Variants in JAK1 observed in about 807,000 individuals in gnomAD.
JAK1 encodes the protein Janus kinase 1, also known as tyrosine-protein kinase JAK1.
A neutral mutation model predicts 136.6 loss-of-function variants in JAK1; 16 were observed. The ratio of observed to expected loss-of-function variants is 0.12; its 90% CI spans 0.08 to 0.18. The LOEUF is 0.18. Ranked by LOEUF, JAK1 falls within the 10% of genes least tolerant of loss-of-function variation. The pLI is 1.00. For missense variants in JAK1, 859 were observed against 1,450.1 expected (o/e 0.59, Z 6.62); for synonymous variants, 492 against 519.5 (o/e 0.95, Z 0.72).
intron 11 of JAK1, among the ~76,000 whole-genome samples, chr1:64,853,085 A>G (rs929277763): frequency 6.6e-5 from 10 of 152,242 alleles, no homozygotes; most frequent in African/African-American, 2.4e-4. Context: ...TGAGAAACCC[A>G]GATCAGGGTC....
At position 64,928,778 on chromosome 1, in the gene JAK1, C is replaced by CAAAAAAAAAAAA. The variant is rs1183218798; in HGVS notation, c.-78+37543_-78+37554dup. On this transcript the variant is annotated intron_variant, in intron 1 of 24. Transcript: ENST00000342505. The stretch of plus-strand genomic sequence containing the variant: ...AGGTTCTGAGTGCTATAAAACTCTG[C>CAAAAAAAAAAAA]AAAAAAAAAAAAAAAAAACAAAAAA... 2.4e-3 allele frequency among the ~76,000 whole-genome samples: 146 copies of CAAAAAAAAAAAA among 61,040 alleles called. 1 individual carries two copies. Among genetic ancestry groups the CAAAAAAAAAAAA allele is most frequent in the East Asian group, 2.9e-3 (6 of 2,052 alleles). 40.0% of individuals were successfully genotyped at this position (61,040 alleles called of 152,430 possible).
At chr1:64,839,340 T>G (rs1343597582) in intron 20 of JAK1, among the ~76,000 whole-genome samples, 2 of 152,088 alleles carry the variant, frequency 1.3e-5, no homozygotes, top group Non-Finnish European at 2.9e-5. Context: ...AGGAATCAGT[T>G]TCATAAGGCA....
intron 2 of JAK1, among the ~76,000 whole-genome samples, chr1:64,996,689 C>A (rs903186035): frequency 1.4e-4 from 22 of 152,140 alleles, no homozygotes; most frequent in Admixed American, 1.2e-3. Flanking sequence ...TTTTTCCCAG[C>A]ACATTAAAAC....
At chr1:64,930,708 T>C (rs1020700300) in intron 1 of JAK1, among the ~76,000 whole-genome samples, 5 of 152,248 alleles carry the variant, frequency 3.3e-5, no homozygotes, top group Non-Finnish European at 5.9e-5. Context: ...TATATGTTTA[T>C]TGCAGCACTG....
intron 1 of JAK1, among the ~76,000 whole-genome samples, chr1:64,900,341 G>A (rs1645085424): frequency 6.6e-6 from 1 of 152,170 alleles, no homozygotes; most frequent in Non-Finnish European, 1.5e-5. Flanking sequence ...GAAGGTAAAG[G>A]GAACAGATGA....
At chr1:64,985,692 G>T (rs1031152812) in intron 2 of JAK1, 81 of 717,600 alleles carry the variant, frequency 1.1e-4, no homozygotes, top group Non-Finnish European at 1.6e-4. Flanking sequence ...CACAAAACCT[G>T]TGCAGAGTCT....
At chr1:64,986,998 T>C (rs1401281924) in intron 2 of JAK1, among the ~76,000 whole-genome samples, 1 of 152,112 alleles carries the variant, frequency 6.6e-6, no homozygotes, top group Non-Finnish European at 1.5e-5. Flanking sequence ...CGTTGTAAGA[T>C]GCAGGGAAAT....
At chr1:64,894,991 C>T (rs1261919774) in intron 1 of JAK1, among the ~76,000 whole-genome samples, 1 of 152,134 alleles carries the variant, frequency 6.6e-6, no homozygotes, top group Non-Finnish European at 1.5e-5. Flanking sequence ...TTCACCAAGG[C>T]GGCAGCAGCA....
intron 1 of JAK1, among the ~76,000 whole-genome samples, chr1:64,928,455 T>C (rs945029390): frequency 1.3e-5 from 2 of 152,204 alleles, no homozygotes; most frequent in African/African-American, 4.8e-5. Flanking sequence ...CTAGTAGGTA[T>C]ACAAGAGTGC....
At chr1:64,857,610 C>T in intron 10 of JAK1, 46 bp downstream of exon 10, 1 of 1,609,762 alleles carries the variant, frequency 6.2e-7, no homozygotes, top group Non-Finnish European at 8.5e-7. Context: ...CTACACTGGA[C>T]ACCTCATGGC....
intron 1 of JAK1, among the ~76,000 whole-genome samples, chr1:64,902,235 T>G (rs772666898): frequency 1.3e-5 from 2 of 152,180 alleles, no homozygotes; most frequent in Non-Finnish European, 2.9e-5. Flanking sequence ...AGAACTGATG[T>G]GTATTTTACT....
intron 1 of JAK1, among the ~76,000 whole-genome samples, chr1:65,044,624 T>C (rs913939723): frequency 2.0e-5 from 3 of 152,164 alleles, no homozygotes; most frequent in Non-Finnish European, 4.4e-5. Flanking sequence ...GCTTGGGAAG[T>C]GGAGCCTGAA....
At chr1:64,869,046 G>A (rs1180090591) in intron 6 of JAK1, among the ~76,000 whole-genome samples, 1 of 152,132 alleles carries the variant, frequency 6.6e-6, no homozygotes, top group Non-Finnish European at 1.5e-5. Flanking sequence ...GGACGGAGAA[G>A]GCCTGGGGGC....
chr1:64,855,743 G>A (rs1222269275), intron 10 of JAK1, 45 bp from the exon 11 acceptor site: 5 of 1,547,174 alleles, frequency 3.2e-6, no homozygotes, highest in Non-Finnish European at 4.4e-6. Context: ...AATGGGGTCA[G>A]GCATGGGTAT....
intron 2 of JAK1, among the ~76,000 whole-genome samples, chr1:65,007,401 G>C (rs1646812290): frequency 6.6e-6 from 1 of 152,124 alleles, no homozygotes; most frequent in Admixed American, 6.5e-5. Context: ...CCCGAGTCTG[G>C]TCACCTGGAG....
intron 1 of JAK1, among the ~76,000 whole-genome samples, chr1:64,929,534 A>C (rs1203905867): frequency 6.6e-6 from 1 of 152,222 alleles, no homozygotes; most frequent in Admixed American, 6.5e-5. Flanking sequence ...AACCCAAGTT[A>C]AAATTCAGTG....
rs144806897 is a variant in JAK1 at position 65,065,515 on chromosome 1, A to AG, written c.-181+2088dup. ...CAGAACAAGGGGCAAAGAGGAGGGGAGGGTCGACTGGTAAGCAGAATAAAG... is the reference window on the plus strand; with the variant it reads ...CAGAACAAGGGGCAAAGAGGAGGGGAGGGGTCGACTGGTAAGCAGAATAAAG... On this transcript the variant is annotated intron_variant, in intron 1 of 25. Transcript: ENST00000671954. Among the ~76,000 whole-genome samples, 875 of 151,856 alleles carry AG rather than the reference A, an allele frequency of 5.8e-3. 4 individuals are homozygous for AG. Among genetic ancestry groups the AG allele is most frequent in the African/African-American group, 0.02 (839 of 41,406 alleles).
intron 2 of JAK1, among the ~76,000 whole-genome samples, chr1:65,043,475 T>A (rs1022448064): frequency 6.6e-6 from 1 of 152,160 alleles, no homozygotes; most frequent in Admixed American, 6.5e-5. Flanking sequence ...TATTCTACAT[T>A]GAAAAAAAGC....
At chr1:64,858,460 A>G (rs1041907315) in intron 9 of JAK1, among the ~76,000 whole-genome samples, 1 of 152,148 alleles carries the variant, frequency 6.6e-6, no homozygotes, top group Admixed American at 6.5e-5. Context: ...GCATGTGCTG[A>G]CCTCTCATCT....
Sources: allele counts gnomAD v4.1 joint callset (sites outside exome capture counted in the v4.1 genomes callset), GRCh38; gene constraint gnomAD v4.1.1; transcripts MANE v1.5; gene names NCBI Gene and HGNC (gene_info 2026-07-23, HGNC 2026-07-21).